The following PRRC2B variants were observed in gnomAD, a reference collection of about 807,000 sequenced individuals.
PRRC2B encodes the protein protein PRRC2B.
PRRC2B carries 68 observed loss-of-function variants against 242.3 expected under a neutral mutation model. The observed-to-expected ratio is 0.28, with a 90% confidence interval of 0.23 to 0.34. The LOEUF (loss-of-function observed/expected upper bound fraction) is 0.34, where lower values mean the gene tolerates loss of function less well. Among genes scored for constraint, PRRC2B ranks in the 10% least tolerant of loss-of-function variants. The pLI, the probability that PRRC2B is intolerant of heterozygous loss-of-function variation, is 1.00. For synonymous variants in PRRC2B, 1,228 were observed against 1,173.6 expected, an observed-to-expected ratio of 1.05 and a Z score of -0.95; for missense variants, 2,835 against 2,954.8, an observed-to-expected ratio of 0.96 and a Z score of 0.94.
chr9:131,405,101 A>G (rs1286532736), intron 1 of PRRC2B, among the ~76,000 whole-genome samples: 3 of 152,196 alleles, frequency 2.0e-5, no homozygotes, highest in Non-Finnish European at 4.4e-5. Flanking sequence ...TTTCCAATCA[A>G]AAGCTACTGT....
intron 19 of PRRC2B, among the ~76,000 whole-genome samples, chr9:131,479,918 C>CT (rs897932897): frequency 1.1e-4 from 16 of 148,380 alleles, no homozygotes; most frequent in East Asian, 3.9e-4. Context: ...GCCCTGAAAA[C>CT]TTTTTTTTTT....
chr9:131,414,494 T>C (rs1004750238), intron 1 of PRRC2B, among the ~76,000 whole-genome samples: 4 of 149,682 alleles, frequency 2.7e-5, no homozygotes, highest in Admixed American at 6.7e-5. Flanking sequence ...ATCCATCCTG[T>C]TTGTTCCTCC....
chr9:131,491,818 A>G (rs546969724), intron 29 of PRRC2B, among the ~76,000 whole-genome samples: 18 of 152,320 alleles, frequency 1.2e-4, no homozygotes, highest in Admixed American at 5.2e-4. Flanking sequence ...AGGCCCTGCT[A>G]TGGACGGCCA....
Position 131,475,454 on chromosome 9 carries a change from G to A in PRRC2B, c.3325G>A (p.Gly1109Ser). ...CTGCAGCAGTCAGCGCAGCGGCCGT[G>A]GCCGGGGCCTGCGAGAGTTTGCGCG... ...IYCSSQRSGR[G>S]RGLREFARPE... Residue 1109 changes from glycine to serine, a missense_variant, in exon 16 of 32, where the codon GGC becomes AGC. By Grantham distance (56) the Gly-to-Ser change is moderately conservative. Around this residue, in one of 7 missense-constraint regions of PRRC2B, gnomAD observed 1,536 missense variants for 1,483.1 expected, o/e 1.04. Coordinates refer to ENST00000683519, the MANE Select transcript of PRRC2B (RefSeq NM_013318.4). The A allele has an allele frequency of 6.3e-7, 1 of 1,584,472 alleles. No homozygotes were observed.
At chr9:131,400,605 A>G (rs1358645929) in intron 1 of PRRC2B, among the ~76,000 whole-genome samples, 1 of 152,056 alleles carries the variant, frequency 6.6e-6, no homozygotes, top group African/African-American at 2.4e-5. Context: ...GGTGTGAGCC[A>G]CCGTGCCTGG....
chr9:131,420,802 G>T (rs1217555026), intron 1 of PRRC2B, among the ~76,000 whole-genome samples: 1 of 151,948 alleles, frequency 6.6e-6, no homozygotes, highest in East Asian at 1.9e-4. Context: ...TTTTCTGACA[G>T]TGCCACGTAG....
rs1337947876 is a variant in PRRC2B, at chr9:131,494,397, T to G, written c.6474-8T>G. The stretch of plus-strand genomic sequence containing the variant: ...TGTATTCTCAACCCCTGCCTTTGGT[T>G]TTTTCAGGCCTAGCTCTGCTAGCCC... On this transcript the variant is annotated splice_region_variant and splice_polypyrimidine_tract_variant and intron_variant, in intron 30 of 31. Transcript: ENST00000683519. The surrounding 1 kb of genome is among the most constrained non-coding windows in gnomAD (Gnocchi z 4.3). The G allele has an allele frequency of 6.4e-7, 1 of 1,566,616 alleles. No individual in the cohort carries two copies. The highest frequency in any genetic ancestry group is 1.8e-5 in the Admixed American group (1 of 55,800).
intron 2 of PRRC2B, 83 bp downstream of exon 2, chr9:131,430,342 G>C (rs961746836): frequency 2.5e-6 from 2 of 806,846 alleles, no homozygotes; most frequent in South Asian, 3.0e-5. Context: ...CACCTGGTTA[G>C]ACAGATGTGG....
In PRRC2B at chr9:131,475,192, AGAG is replaced by A. The variant is rs1943654740; in HGVS notation, c.3070_3072del (p.Glu1024del). ...TTGGCCGCGAGGCCACCAAATTTGAAGAGGAGGAGAAACCTGACAAGGCCTGGG... is the reference window on the plus strand; with the variant it reads ...TTGGCCGCGAGGCCACCAAATTTGAAGAGGAGAAACCTGACAAGGCCTGGG... On this transcript the variant is annotated inframe_deletion, in exon 16 of 32. Transcript: ENST00000683519. The A allele has an allele frequency of 1.2e-6, 2 of 1,613,728 alleles. No individual in the cohort carries two copies. The highest frequency in any genetic ancestry group is 1.7e-4 in the Middle Eastern group (1 of 6,060).
intron 10 of PRRC2B, among the ~76,000 whole-genome samples, chr9:131,456,264 A>G (rs1009367356): frequency 2.4e-5 from 3 of 126,172 alleles, no homozygotes; most frequent in African/African-American, 9.4e-5. Flanking sequence ...AGTTTTGTTT[A>G]ATTTCCTTTA....
At chr9:131,397,019 CACCCCCTCCAGACCTCCT>C (rs1341141722) in intron 1 of PRRC2B, among the ~76,000 whole-genome samples, 1 of 152,146 alleles carries the variant, frequency 6.6e-6, no homozygotes, top group African/African-American at 2.4e-5. Context: ...TAAAATGTGG[CACCCCCTCCAGACCTCCT>C]AGCTGTGGAA....
At position 131,436,781 on chromosome 9, in the gene PRRC2B, T is replaced by C; in HGVS notation, c.396+59T>C. ...GGGCATGGTAGCCCCTAAATCTCTT[T>C]GTTGCTGGGGGATGGAAGGAGTTGC... is the stretch of plus-strand genomic sequence containing the variant. On this transcript the variant is annotated intron_variant, in intron 4 of 31. Coordinates refer to ENST00000683519, the MANE Select transcript of PRRC2B (RefSeq NM_013318.4). 5 of 1,393,336 alleles carry C rather than the reference T, an allele frequency of 3.6e-6. 1 individual carries two copies. The highest frequency in any genetic ancestry group is 5.0e-6 in the Non-Finnish European group (5 of 992,256). 86.3% of individuals were successfully genotyped at this position (1,393,336 alleles called of 1,614,324 possible). A position where few individuals can be genotyped will look rare whatever the true frequency, so the allele number is the denominator to read the frequency against.
At chr9:131,464,468 G>A (rs892633194) in intron 11 of PRRC2B, among the ~76,000 whole-genome samples, 2 of 152,178 alleles carry the variant, frequency 1.3e-5, no homozygotes, top group South Asian at 2.1e-4. Context: ...TGTGCGGGTC[G>A]CATGTTGCTT....
chr9:131,419,662 T>C (rs549029418), intron 1 of PRRC2B, among the ~76,000 whole-genome samples: 2 of 152,162 alleles, frequency 1.3e-5, no homozygotes, highest in Non-Finnish European at 2.9e-5. Context: ...GTTCTCTTGT[T>C]TATTCCTTAC....
At chr9:131,378,360 G>A (rs1836712611) in intron 1 of PRRC2B, among the ~76,000 whole-genome samples, 1 of 151,348 alleles carries the variant, frequency 6.6e-6, no homozygotes, top group Non-Finnish European at 1.5e-5. Flanking sequence ...CACAAAGGCA[G>A]GGGGTGCTCC....
chr9:131,478,000 C>T, intron 17 of PRRC2B, 51 bp downstream of exon 17: 1 of 1,537,824 alleles, frequency 6.5e-7, no homozygotes. Flanking sequence ...GAACCAGGGG[C>T]CATGCAGTCC....
At chr9:131,420,497 T>TTTCGTTCGTTCGTTC (rs1837801640) in intron 1 of PRRC2B, among the ~76,000 whole-genome samples, 1 of 16,432 alleles carries the variant, frequency 6.1e-5, no homozygotes, top group Non-Finnish European at 1.5e-4. Context: ...TTCTTTCTTT[T>TTTCGTTCGTTCGTTC]TTTTTTTTTT....
chr9:131,380,680 A>T (rs539648188), intron 1 of PRRC2B, among the ~76,000 whole-genome samples: 8 of 150,972 alleles, frequency 5.3e-5, no homozygotes, highest in South Asian at 2.1e-4. Flanking sequence ...AGTTTGAGAC[A>T]AGCCTGGCCA....
rs777415996 is a variant in PRRC2B, at chr9:131,482,927, T to C, written c.5373+20T>C. ...CCAAAAGTGAGGCTTTGATTTGTTTTCTTGCTTGCTTTTTTTACTTTTTAT... is the reference window on the plus strand; with the variant it reads ...CCAAAAGTGAGGCTTTGATTTGTTTCCTTGCTTGCTTTTTTTACTTTTTAT... On this transcript the variant is annotated intron_variant, in intron 22 of 31. Transcript: ENST00000683519. The surrounding 1 kb of genome is among the most constrained non-coding windows in gnomAD (Gnocchi z 5.2). The C allele has an allele frequency of 6.7e-5, 106 of 1,588,898 alleles. No homozygotes were observed. Among genetic ancestry groups the C allele is most frequent in the Non-Finnish European group, 8.0e-5 (93 of 1,167,272 alleles).
Sources: gnomAD v4.1 joint callset for allele counts (sites outside exome capture counted in the v4.1 genomes callset) on GRCh38, gnomAD v4.1.1 for gene constraint, gnomAD v4.1.1 regional missense constraint, Gnocchi (gnomAD v3.1) non-coding constraint, MANE v1.5 for transcripts, NCBI Gene and HGNC (gene_info 2026-07-23, HGNC 2026-07-21) for gene names.